The following CACNA1A variants were observed in gnomAD, a reference collection of about 807,000 sequenced individuals.
CACNA1A encodes calcium voltage-gated channel subunit alpha1 A.
CACNA1A carries 57 observed loss-of-function variants against 262.4 expected under a neutral mutation model. The ratio of observed to expected loss-of-function variants is 0.22; its 90% CI spans 0.18 to 0.27. CACNA1A has a LOEUF of 0.27. Among genes scored for constraint, CACNA1A ranks in the 10% least tolerant of loss-of-function variants. The probability of loss-of-function intolerance (pLI) is 1.00; values close to 1 mark genes in which losing one functional copy is unlikely to be tolerated. For missense variants in CACNA1A, 2,526 were observed against 3,562.8 expected (o/e 0.71, Z 7.41); for synonymous variants, 1,431 against 1,419.3 (o/e 1.01, Z -0.18).
intron 6 of CACNA1A, among the ~76,000 whole-genome samples, chr19:13,349,600 T>C (rs1442366336): frequency 6.6e-6 from 1 of 152,176 alleles, no homozygotes; most frequent in Non-Finnish European, 1.5e-5. Context: ...CTCATGGGGT[T>C]CCCCATTCTA....
chr19:13,411,700 C>CTT (rs1568619109), intron 3 of CACNA1A, among the ~76,000 whole-genome samples: 1 of 151,512 alleles, frequency 6.6e-6, no homozygotes, highest in African/African-American at 2.4e-5. Flanking sequence ...CTCCTTCTCT[C>CTT]TCTCTCTCTC....
At chr19:13,474,160 AC>A (rs1978308910) in intron 1 of CACNA1A, among the ~76,000 whole-genome samples, 1 of 152,140 alleles carries the variant, frequency 6.6e-6, no homozygotes, top group Non-Finnish European at 1.5e-5. Flanking sequence ...ATATGACAAC[AC>A]CCAGCGCAGA....
At chr19:13,494,036 C>G (rs540057696) in intron 1 of CACNA1A, among the ~76,000 whole-genome samples, 1 of 152,198 alleles carries the variant, frequency 6.6e-6, no homozygotes, top group Non-Finnish European at 1.5e-5. Context: ...GATACTTAAG[C>G]TTTTATCAGC....
At chr19:13,355,041 A>G (rs1371361534) in intron 6 of CACNA1A, among the ~76,000 whole-genome samples, 2 of 151,848 alleles carry the variant, frequency 1.3e-5, no homozygotes, top group African/African-American at 4.8e-5. Context: ...ACGCCTGGCT[A>G]ATTTTTGTAT....
At chr19:13,305,432 A>G (rs1370815887) in intron 15 of CACNA1A, among the ~76,000 whole-genome samples, 1 of 152,232 alleles carries the variant, frequency 6.6e-6, no homozygotes, top group African/African-American at 2.4e-5. Flanking sequence ...ATGCTCCTTT[A>G]AAAAAGATCC....
intron 24 of CACNA1A, chr19:13,274,832 G>C (rs1458696935): frequency 1.3e-5 from 2 of 152,110 alleles, no homozygotes; most frequent in East Asian, 3.9e-4. Flanking sequence ...AGCCATCCAA[G>C]ACTTGGGGAC....
intron 1 of CACNA1A, among the ~76,000 whole-genome samples, chr19:13,460,737 C>A (rs2061106616): frequency 6.6e-6 from 1 of 152,098 alleles, no homozygotes; most frequent in African/African-American, 2.4e-5. Flanking sequence ...TACCCAGGGG[C>A]CTTTGTACCT....
At chr19:13,403,084 C>T (rs760955676) in intron 3 of CACNA1A, among the ~76,000 whole-genome samples, 9 of 151,398 alleles carry the variant, frequency 5.9e-5, no homozygotes, top group Non-Finnish European at 1.3e-4. Context: ...GACTTGAGCA[C>T]AGCACTCCCA....
intron 6 of CACNA1A, among the ~76,000 whole-genome samples, chr19:13,349,187 G>A (rs1338926061): frequency 6.6e-6 from 1 of 152,078 alleles, no homozygotes; most frequent in South Asian, 2.1e-4. Context: ...TTCCTCATCT[G>A]GAAGATGGGG....
At chr19:13,281,806 T>C (rs928777823) in intron 22 of CACNA1A, among the ~76,000 whole-genome samples, 3 of 152,166 alleles carry the variant, frequency 2.0e-5, no homozygotes, top group African/African-American at 7.2e-5. Flanking sequence ...GACTGCGAGA[T>C]GGACGAGGGA....
chr19:13,235,707 A>G lies in CACNA1A; in HGVS notation c.4974T>C (p.Phe1658=). ...EFGNNFINLS[F]LRLFRAARLI... is the part of the protein sequence containing the mutation. ...GCCGGGCAGCTCGGAAGAGGCGGAG[A>G]AAGCTCAGGTTGATGAAGTTATTCT... The change falls in exon 32 of 47, where the codon TTT becomes TTC. Residue 1658 remains phenylalanine (F), a synonymous_variant. Coordinates refer to ENST00000360228, the MANE Select transcript of CACNA1A (RefSeq NM_001127222.2). 6.2e-7 allele frequency: 1 copy of G among 1,613,752 alleles called. No homozygotes were observed.
chr19:13,320,231 A>C (rs2058220308), intron 10 of CACNA1A, among the ~76,000 whole-genome samples: 1 of 142,242 alleles, frequency 7.0e-6, no homozygotes, highest in African/African-American at 2.9e-5. Context: ...GGGATGTTCC[A>C]CAGATCGAGA....
chr19:13,304,241 A>T (rs1380504095), intron 15 of CACNA1A, among the ~76,000 whole-genome samples: 2 of 152,002 alleles, frequency 1.3e-5, no homozygotes, highest in Non-Finnish European at 2.9e-5. Context: ...GCCCTAACCT[A>T]TGATGGGATG....
At chr19:13,376,795 ATACACATAATATATGTTATG>A (rs553439266) in intron 3 of CACNA1A, among the ~76,000 whole-genome samples, 2,395 of 113,844 alleles carry the variant, frequency 0.021, 75 homozygotes, top group African/African-American at 0.078. Context: ...TGTGACATAT[ATACACATAATATATGTTATG>A]TGTGATATAT....
At chr19:13,315,376 T>C (rs1279166941) in intron 11 of CACNA1A, 1 of 151,994 alleles carries the variant, frequency 6.6e-6, no homozygotes, top group Non-Finnish European at 1.5e-5. Flanking sequence ...TAATGTGTGA[T>C]CCTGGGCAAT....
chr19:13,474,948 C>G (rs892235421), intron 1 of CACNA1A, among the ~76,000 whole-genome samples: 2 of 152,176 alleles, frequency 1.3e-5, no homozygotes, highest in Non-Finnish European at 2.9e-5. Context: ...ATGCCCCAGG[C>G]TTTAGAAACC....
At chr19:13,391,621 G>A (rs1326204715) in intron 3 of CACNA1A, among the ~76,000 whole-genome samples, 1 of 152,166 alleles carries the variant, frequency 6.6e-6, no homozygotes, top group East Asian at 1.9e-4. Context: ...AAATTGCCGG[G>A]TGCGGTGGCT....
chr19:13,460,078 C>T (rs371707372), intron 1 of CACNA1A, among the ~76,000 whole-genome samples: 1 of 152,182 alleles, frequency 6.6e-6, no homozygotes, highest in Non-Finnish European at 1.5e-5. Context: ...CCCGCACCCC[C>T]GCAAGTGTCC....
chr19:13,321,868 T>G (rs1419675628), intron 10 of CACNA1A, among the ~76,000 whole-genome samples: 1 of 151,862 alleles, frequency 6.6e-6, no homozygotes, highest in African/African-American at 2.4e-5. Flanking sequence ...CACTGTATGC[T>G]CAGGCTACAT....
Sources: allele counts gnomAD v4.1 joint callset (sites outside exome capture counted in the v4.1 genomes callset), GRCh38; gene constraint gnomAD v4.1.1; transcripts MANE v1.5; gene names NCBI Gene and HGNC (gene_info 2026-07-23, HGNC 2026-07-21).